The following TENM1 variants were observed in gnomAD, a reference collection of about 807,000 sequenced individuals.
TENM1 encodes the protein teneurin-1.
In TENM1, 35 loss-of-function variants were observed where a neutral mutation model predicts 174.8. The ratio of observed to expected loss-of-function variants is 0.20; its 90% CI spans 0.15 to 0.27. The LOEUF (loss-of-function observed/expected upper bound fraction) is 0.27. TENM1 is among the 10% of genes least tolerant of loss of function. The pLI, the probability that TENM1 is intolerant of heterozygous loss-of-function variation, is 1.00. For missense variants in TENM1, 1,633 were observed against 2,130.1 expected (o/e 0.77, Z 4.59); for synonymous variants, 781 against 798.7 (o/e 0.98, Z 0.37).
At chrX:124,673,973 C>G (rs1005509569) in intron 5 of TENM1, among the ~76,000 whole-genome samples, 1 of 110,991 alleles carries the variant, frequency 9.0e-6, no homozygotes, top group Non-Finnish European at 1.9e-5. Context: ...TGATTGATGA[C>G]TATTTGAATA....
At chrX:124,443,951 A>G (rs1405755605) in intron 23 of TENM1, among the ~76,000 whole-genome samples, 2 of 112,358 alleles carry the variant, frequency 1.8e-5, no homozygotes, top group Non-Finnish European at 3.8e-5. Flanking sequence ...CACCCTCATT[A>G]CACATGATAC....
chrX:125,044,803 C>A, the TENM1 span, among the ~76,000 whole-genome samples: 17 of 111,188 alleles, frequency 1.5e-4, no homozygotes, highest in African/African-American at 4.9e-4. Flanking sequence ...ACTACCAAAT[C>A]TTCCATCCTG....
chrX:124,458,618 C>T (rs1268429065), intron 22 of TENM1, among the ~76,000 whole-genome samples: 2 of 112,639 alleles, frequency 1.8e-5, no homozygotes, highest in Non-Finnish European at 3.8e-5. Flanking sequence ...AGCTTTCAAA[C>T]TAATATTCTG....
At chrX:124,574,798 A>C (rs1341779561) in intron 11 of TENM1, among the ~76,000 whole-genome samples, 1 of 111,632 alleles carries the variant, frequency 9.0e-6, no homozygotes, top group East Asian at 2.8e-4. Context: ...TAAGGGCTGA[A>C]AAAAATTTTG....
intron 3 of TENM1, among the ~76,000 whole-genome samples, chrX:124,748,920 T>G (rs920495121): frequency 9.0e-6 from 1 of 111,606 alleles, no homozygotes; most frequent in South Asian, 3.8e-4. Flanking sequence ...GCTTGGCACA[T>G]AGTAAGCACT....
At chrX:124,653,162 C>T (rs1043260527) in intron 7 of TENM1, among the ~76,000 whole-genome samples, 2 of 111,673 alleles carry the variant, frequency 1.8e-5, no homozygotes, top group African/African-American at 6.5e-5. Context: ...AAAATTTCTA[C>T]CTGTAAGACA....
chrX:124,803,143 A>G (rs1258401128), intron 3 of TENM1, among the ~76,000 whole-genome samples: 1 of 112,159 alleles, frequency 8.9e-6, no homozygotes, highest in Non-Finnish European at 1.9e-5. Context: ...AAAAGTACCA[A>G]GAGTAATATA....
At chrX:124,606,384 TA>T (rs2050156918) in intron 11 of TENM1, among the ~76,000 whole-genome samples, 2 of 111,467 alleles carry the variant, frequency 1.8e-5, no homozygotes, top group Non-Finnish European at 1.9e-5. Context: ...ATTGACTATT[TA>T]AAGATACCTA....
At chrX:124,623,011 T>C (rs1192921558) in intron 11 of TENM1, among the ~76,000 whole-genome samples, 1 of 111,944 alleles carries the variant, frequency 8.9e-6, no homozygotes. Context: ...TTTTAAGTGT[T>C]CAGTGTGCAT....
chrX:125,137,726 T>C, the TENM1 span, among the ~76,000 whole-genome samples: 10 of 111,544 alleles, frequency 9.0e-5, no homozygotes, highest in African/African-American at 3.3e-4. Context: ...TGGCCAGTGA[T>C]TCCCCAGCCT....
chrX:125,019,349 T>C, the TENM1 span, among the ~76,000 whole-genome samples: 1 of 111,380 alleles, frequency 9.0e-6, no homozygotes, highest in Non-Finnish European at 1.9e-5. Flanking sequence ...ATAAATTTAA[T>C]TAAATATTTA....
chrX:124,850,191 A>G (rs924583937), intron 3 of TENM1, among the ~76,000 whole-genome samples: 2 of 111,819 alleles, frequency 1.8e-5, no homozygotes, highest in Non-Finnish European at 3.8e-5. Context: ...TACTTCAAAA[A>G]TATAGTAGAT....
chrX:124,743,351 T>C (rs2053844432), intron 3 of TENM1, among the ~76,000 whole-genome samples: 1 of 111,966 alleles, frequency 8.9e-6, no homozygotes, highest in South Asian at 3.7e-4. Context: ...AAATAAACCA[T>C]TGGATTGAGA....
At chrX:124,841,403 T>C (rs553821307) in intron 3 of TENM1, among the ~76,000 whole-genome samples, 2 of 111,517 alleles carry the variant, frequency 1.8e-5, no homozygotes, top group South Asian at 7.6e-4. Flanking sequence ...CAAGGACTCC[T>C]GCAAAGGCAA....
chrX:124,517,629 C>G (rs924491666), intron 18 of TENM1, among the ~76,000 whole-genome samples: 1 of 82,802 alleles, frequency 1.2e-5, no homozygotes, highest in Non-Finnish European at 2.2e-5. Context: ...CACTTGGACA[C>G]AGGAAGGGGA....
At chrX:125,135,343 C>T in the TENM1 span, among the ~76,000 whole-genome samples, 6 of 111,828 alleles carry the variant, frequency 5.4e-5, no homozygotes, top group Non-Finnish European at 1.1e-4. Flanking sequence ...TTCTGCATTA[C>T]TGGCTTTCAA....
chrX:124,684,352 A>G (rs962061743), intron 5 of TENM1, among the ~76,000 whole-genome samples: 6 of 112,621 alleles, frequency 5.3e-5, no homozygotes, highest in African/African-American at 1.9e-4. Context: ...GAGTGTAAGA[A>G]GAATAGTTTA....
At chrX:124,944,968 C>T (rs2058380647) in intron 1 of TENM1, among the ~76,000 whole-genome samples, 1 of 110,943 alleles carries the variant, frequency 9.0e-6, no homozygotes, top group African/African-American at 3.3e-5. Context: ...ACTCCTAGCA[C>T]ACCCTTTCAC....
chrX:125,190,115 T>C, the TENM1 span, among the ~76,000 whole-genome samples: 1,854 of 111,534 alleles, frequency 0.017, 12 homozygotes, highest in Non-Finnish European at 0.026. Context: ...GTTTTCCCAT[T>C]ACAATGATCA....
Sources: gnomAD v4.1 joint callset for allele counts (sites outside exome capture counted in the v4.1 genomes callset) on GRCh38, gnomAD v4.1.1 for gene constraint, MANE v1.5 for transcripts, NCBI Gene and HGNC (gene_info 2026-07-23, HGNC 2026-07-21) for gene names.